The following SCN8A variants were observed in gnomAD, a reference collection of about 807,000 sequenced individuals.
SCN8A encodes sodium channel protein type 8 subunit alpha.
In SCN8A, 30 loss-of-function variants were observed where a neutral mutation model predicts 184.1. That is an observed-to-expected ratio of 0.16 (90% confidence interval 0.12 to 0.22). The LOEUF is 0.22. SCN8A is among the 10% of genes least tolerant of loss of function. The pLI is 1.00. For missense variants in SCN8A, 1,057 were observed against 2,498.9 expected, an observed-to-expected ratio of 0.42 and a Z score of 12.30; for synonymous variants, 852 against 907.0, an observed-to-expected ratio of 0.94 and a Z score of 1.09.
chr12:51,619,584 C>T (rs1039419865), intron 1 of SCN8A, among the ~76,000 whole-genome samples: 7 of 152,128 alleles, frequency 4.6e-5, no homozygotes, highest in Non-Finnish European at 1.0e-4. Flanking sequence ...TTCATATAAT[C>T]TTAAATCTTT....
intron 11 of SCN8A, chr12:51,712,961 G>A (rs1362429889): frequency 9.4e-6 from 15 of 1,588,962 alleles, no homozygotes; most frequent in East Asian, 4.5e-5. Flanking sequence ...CCACCTCCAC[G>A]ACCTGTCCGT....
intron 12 of SCN8A, among the ~76,000 whole-genome samples, chr12:51,735,320 C>T (rs565514404): frequency 2.0e-5 from 3 of 152,152 alleles, no homozygotes; most frequent in Non-Finnish European, 4.4e-5. Flanking sequence ...CCATAGGAAT[C>T]GTTGTGCAGC....
At chr12:51,760,801 A>G (rs1044566221) in intron 14 of SCN8A, among the ~76,000 whole-genome samples, 1 of 152,156 alleles carries the variant, frequency 6.6e-6, no homozygotes, top group African/African-American at 2.4e-5. Context: ...TGCATCTTCA[A>G]TCTAGAAACA....
At chr12:51,766,344 G>A (rs760229276) in intron 16 of SCN8A, 24 of 380,166 alleles carry the variant, frequency 6.3e-5, no homozygotes, top group Non-Finnish European at 9.2e-5. Context: ...GTCTGTGCCC[G>A]TTCGCCTACA....
At chr12:51,659,052 T>C (rs539172240) in intron 1 of SCN8A, among the ~76,000 whole-genome samples, 1 of 152,220 alleles carries the variant, frequency 6.6e-6, no homozygotes, top group Non-Finnish European at 1.5e-5. Flanking sequence ...CTTAGCAGCT[T>C]TTATTCATAA....
At chr12:51,676,129 C>T (rs753428416) in intron 2 of SCN8A, among the ~76,000 whole-genome samples, 4 of 152,104 alleles carry the variant, frequency 2.6e-5, no homozygotes, top group African/African-American at 4.8e-5. Context: ...TAGAAGTACA[C>T]GCCTAGGGAA....
intron 2 of SCN8A, among the ~76,000 whole-genome samples, chr12:51,675,131 C>T (rs1278154249): frequency 6.6e-6 from 1 of 152,210 alleles, no homozygotes; most frequent in African/African-American, 2.4e-5. Flanking sequence ...AGAAGGTGAT[C>T]AAAGTCAAAT....
chr12:51,715,657 CAAAAAAAAA>C (rs71092719), intron 11 of SCN8A, among the ~76,000 whole-genome samples: 11 of 71,850 alleles, frequency 1.5e-4, no homozygotes, highest in East Asian at 1.2e-3. Context: ...GTCTCTGTCT[CAAAAAAAAA>C]AAAAAAAAAA....
In SCN8A at chr12:51,609,688, G is replaced by A. The variant is rs540558692; in HGVS notation, c.-55+18329G>A. 5.3e-5 allele frequency among the ~76,000 whole-genome samples: 8 copies of A among 152,120 alleles called. No individual in the cohort carries two copies. The East Asian group carries it at 1.4e-3, about 26-fold the overall frequency. Reference sequence around the variant, plus strand: ...ACAGATCACCTGAGGTCAGGAGTTCGAGATGAGCCTGGCCAACATGGCAAA... The same window carrying A: ...ACAGATCACCTGAGGTCAGGAGTTCAAGATGAGCCTGGCCAACATGGCAAA... On this transcript the variant is annotated intron_variant, in intron 1 of 26. Transcript: ENST00000627620.
intron 1 of SCN8A, among the ~76,000 whole-genome samples, chr12:51,606,683 G>A (rs557446301): frequency 6.6e-6 from 1 of 152,060 alleles, no homozygotes; most frequent in South Asian, 2.1e-4. Flanking sequence ...TTGGCTGTGT[G>A]GTCATTTTCA....
chr12:51,723,499 G>A (rs1942101681), intron 12 of SCN8A, among the ~76,000 whole-genome samples: 1 of 151,972 alleles, frequency 6.6e-6, no homozygotes, highest in Non-Finnish European at 1.5e-5. Flanking sequence ...ATAAAATAAA[G>A]CAAAAATACT....
At chr12:51,795,921 C>A (rs1238394855) in intron 26 of SCN8A, among the ~76,000 whole-genome samples, 2 of 150,096 alleles carry the variant, frequency 1.3e-5, no homozygotes, top group African/African-American at 2.4e-5. Context: ...GTGATACGTG[C>A]CTGTAGTCCC....
chr12:51,734,628 C>T (rs1308975607), intron 12 of SCN8A, among the ~76,000 whole-genome samples: 1 of 152,220 alleles, frequency 6.6e-6, no homozygotes, highest in Non-Finnish European at 1.5e-5. Flanking sequence ...CCATCATGAA[C>T]ATGTTACAGT....
chr12:51,660,813 G>T (rs149535767), intron 1 of SCN8A, among the ~76,000 whole-genome samples: 1 of 152,206 alleles, frequency 6.6e-6, no homozygotes. Context: ...TAAGGTCATG[G>T]TGGAGTGCTG....
rs762033775 is a variant in SCN8A at position 51,689,044 on chromosome 12, G to A, written c.654G>A (p.Ala218=). The part of the protein sequence containing the change: ...TEFVDLGNVS[A]LRTFRVLRAL... The stretch of plus-strand genomic sequence containing the variant: ...TTGTGGACCTGGGCAATGTCTCAGC[G>A]CTGAGAACATTCAGGGTTCTCCGAG... The change falls in exon 6 of 27, where the codon GCG becomes GCA. Residue 218 remains alanine (A), a synonymous_variant. Coordinates refer to ENST00000627620, the MANE Select transcript of SCN8A (RefSeq NM_001330260.2). 1.3e-5 allele frequency: 21 copies of A among 1,613,796 alleles called. No homozygotes were observed. The highest frequency in any genetic ancestry group is 3.3e-4 in the Middle Eastern group (2 of 6,084).
chr12:51,780,593 T>TTC, intron 20 of SCN8A, 56 bp from the exon 21 acceptor site: 2 of 332,956 alleles, frequency 6.0e-6, no homozygotes, highest in Non-Finnish European at 1.0e-5. Context: ...TTTTTTTTTT[T>TTC]TTTTTTTTTT....
chr12:51,706,108 C>G (rs1202090793), intron 10 of SCN8A, among the ~76,000 whole-genome samples: 5 of 152,032 alleles, frequency 3.3e-5, no homozygotes, highest in South Asian at 2.1e-4. Flanking sequence ...TTTTTAGGAC[C>G]CATAATATAT....
Position 51,806,953 on chromosome 12 carries a change from A to G in SCN8A, c.5467A>G (p.Lys1823Glu), listed in dbSNP as rs759182622. ...CTTGGAGCATCCTCTCCGAGTGCCC[A>G]AGCCCAATACCATTGAGCTCATCGC... The part of the protein sequence containing the change: ...DALEHPLRVP[K>E]PNTIELIAMD... The change falls in exon 27 of 27, where the codon AAG becomes GAG. Residue 1823 changes from lysine (K) to glutamate (E), a missense_variant. Around this residue, in one of 19 missense-constraint regions of SCN8A, gnomAD observed 50 missense variants for 125.8 expected, o/e 0.40. Transcript: ENST00000627620. The surrounding 1 kb of genome is among the most constrained non-coding windows in gnomAD (Gnocchi z 8.7). 6.2e-7 allele frequency: 1 copy of G among 1,613,870 alleles called. No homozygotes were observed. Among genetic ancestry groups the G allele is most frequent in the Non-Finnish European group, 8.5e-7 (1 of 1,179,770 alleles).
intron 21 of SCN8A, among the ~76,000 whole-genome samples, chr12:51,781,662 GCACA>G (rs767766702): frequency 2.0e-5 from 3 of 151,644 alleles, no homozygotes; most frequent in East Asian, 1.9e-4. Context: ...GCACGCACGC[GCACA>G]CACACACACT....
Sources: gnomAD v4.1 joint callset for allele counts (sites outside exome capture counted in the v4.1 genomes callset) on GRCh38, gnomAD v4.1.1 for gene constraint, gnomAD v4.1.1 regional missense constraint, Gnocchi (gnomAD v3.1) non-coding constraint, MANE v1.5 for transcripts, NCBI Gene and HGNC (gene_info 2026-07-23, HGNC 2026-07-21) for gene names.